Variants in DUSP13A observed in about 807,000 individuals in gnomAD.
DUSP13A encodes the protein dual specificity phosphatase 13A, also known as dual specificity protein phosphatase 13A.
At chr10:75,108,456 C>T in the DUSP13A span, among the ~76,000 whole-genome samples, 2 of 152,158 alleles carry the variant, frequency 1.3e-5, no homozygotes, top group African/African-American at 4.8e-5. Flanking sequence ...TGCATCTGTC[C>T]CTGCCTTGGC....
At chr10:75,108,307 G>C in the DUSP13A span, 2 of 1,487,026 alleles carry the variant, frequency 1.3e-6, no homozygotes, top group Non-Finnish European at 1.8e-6. Flanking sequence ...GAGCCATTAG[G>C]GTCCAAAGAG....
chr10:75,107,886 G>T, the DUSP13A span: 2 of 1,341,786 alleles, frequency 1.5e-6, no homozygotes, highest in Admixed American at 2.3e-5. Context: ...CTAAGCAGAG[G>T]ATTTTTAAAA....
chr10:75,106,032 G>A, the DUSP13A span, among the ~76,000 whole-genome samples: 2 of 152,076 alleles, frequency 1.3e-5, no homozygotes, highest in African/African-American at 4.8e-5. Flanking sequence ...CGGTAAAATG[G>A]GTAGATCAAC....
At chr10:75,108,093 C>T in the DUSP13A span, 2 of 1,613,898 alleles carry the variant, frequency 1.2e-6, no homozygotes, top group African/African-American at 1.3e-5. Context: ...CCCCAGGTAG[C>T]TCACACTGCT....
chr10:75,108,956 G>A, the DUSP13A span: 1 of 1,547,492 alleles, frequency 6.5e-7, no homozygotes, highest in Non-Finnish European at 8.7e-7. Flanking sequence ...AAGCGACCAA[G>A]AACTGCCTCT....
the DUSP13A span, among the ~76,000 whole-genome samples, chr10:75,107,638 A>G: frequency 6.6e-6 from 1 of 152,028 alleles, no homozygotes; most frequent in Non-Finnish European, 1.5e-5. Flanking sequence ...GTGAAGTGGC[A>G]TGATCTCGGC....
At chr10:75,108,253 G>T in the DUSP13A span, 2 of 1,549,674 alleles carry the variant, frequency 1.3e-6, no homozygotes, top group South Asian at 1.2e-5. Flanking sequence ...CAAGCCATGG[G>T]ACCAGGAGGG....
the DUSP13A span, chr10:75,107,922 CTG>C: frequency 6.7e-7 from 1 of 1,497,682 alleles, no homozygotes; most frequent in Non-Finnish European, 9.0e-7. Flanking sequence ...GCACTGATGA[CTG>C]AGAGGAAATG....
chr10:75,108,426 G>A, the DUSP13A span: 17 of 805,342 alleles, frequency 2.1e-5, no homozygotes, highest in Non-Finnish European at 3.0e-5. Context: ...GGGATCTTTA[G>A]ACCCTCTTTG....
the DUSP13A span, among the ~76,000 whole-genome samples, chr10:75,107,346 G>GA: frequency 5.2e-3 from 600 of 115,998 alleles, no homozygotes; most frequent in Middle Eastern, 0.022. Flanking sequence ...CTCTGTCTCA[G>GA]AAAAAAAAAA....
chr10:75,107,346 G>GAA, the DUSP13A span, among the ~76,000 whole-genome samples: 2 of 116,226 alleles, frequency 1.7e-5, no homozygotes, highest in Non-Finnish European at 3.6e-5. Flanking sequence ...CTCTGTCTCA[G>GAA]AAAAAAAAAA....
chr10:75,108,867 G>A, the DUSP13A span: 3 of 1,115,490 alleles, frequency 2.7e-6, no homozygotes, highest in Non-Finnish European at 3.6e-6. Context: ...GCACCCCCGG[G>A]GGTCCTGGAG....
chr10:75,108,434 T>C, the DUSP13A span, among the ~76,000 whole-genome samples: 1 of 152,090 alleles, frequency 6.6e-6, no homozygotes, highest in African/African-American at 2.4e-5. Flanking sequence ...TAGACCCTCT[T>C]TGCTTCCTCA....
At chr10:75,105,731 G>A in the DUSP13A span, 571 of 1,554,534 alleles carry the variant, frequency 3.7e-4, 2 homozygotes, top group African/African-American at 6.3e-3. Context: ...AGGAAGCCTC[G>A]GTTGGGGAAG....
chr10:75,106,480 A>G, the DUSP13A span, among the ~76,000 whole-genome samples: 6 of 152,114 alleles, frequency 3.9e-5, no homozygotes, highest in Non-Finnish European at 7.4e-5. Context: ...GGCTTCCTCC[A>G]CAGGCTTTCT....
the DUSP13A span, chr10:75,109,110 C>G: frequency 6.2e-7 from 1 of 1,611,690 alleles, no homozygotes; most frequent in South Asian, 1.1e-5. Context: ...TGGGGCAAGG[C>G]GTGGCTTTGT....
At chr10:75,105,791 G>A in the DUSP13A span, 24 of 1,550,878 alleles carry the variant, frequency 1.5e-5, 1 homozygote, top group South Asian at 8.3e-5. Flanking sequence ...AGGGACAGCC[G>A]CTGGTGCAGC....
the DUSP13A span, chr10:75,108,273 C>T: frequency 6.5e-7 from 1 of 1,526,920 alleles, no homozygotes; most frequent in East Asian, 2.3e-5. Context: ...GAGGCTGTGC[C>T]TGGCCCCCTG....
the DUSP13A span, chr10:75,109,122 C>G: frequency 5.6e-6 from 9 of 1,609,450 alleles, no homozygotes; most frequent in Non-Finnish European, 7.6e-6. Flanking sequence ...TGGCTTTGTC[C>G]TCTCCCCCCA....
Sources: gnomAD v4.1 joint callset for allele counts (sites outside exome capture counted in the v4.1 genomes callset) on GRCh38, gnomAD v4.1.1 for gene constraint, MANE v1.5 for transcripts, NCBI Gene and HGNC (gene_info 2026-07-23, HGNC 2026-07-21) for gene names.